The following AP2A2 variants were observed in gnomAD, a reference collection of about 807,000 sequenced individuals.
AP2A2 encodes the protein AP-2 complex subunit alpha-2.
In AP2A2, 32 loss-of-function variants were observed where a neutral mutation model predicts 104.2. The ratio of observed to expected loss-of-function variants is 0.31; its 90% CI spans 0.23 to 0.41. The LOEUF is 0.41. Ranked by LOEUF, AP2A2 falls within the 10% of genes least tolerant of loss-of-function variation. The probability of loss-of-function intolerance (pLI) is 1.00; values close to 1 mark genes in which losing one functional copy is unlikely to be tolerated. For missense variants in AP2A2, 912 were observed against 1,261.0 expected (o/e 0.72, Z 4.19); for synonymous variants, 539 against 533.3 (o/e 1.01, Z -0.15).
Position 992,602 on chromosome 11 carries a change from A to T in AP2A2, c.1369A>T (p.Ser457Cys). 6.2e-7 allele frequency: 1 copy of T among 1,613,900 alleles called. No individual in the cohort carries two copies. The highest frequency in any genetic ancestry group is 8.5e-7 in the Non-Finnish European group (1 of 1,179,898). Residue 457 changes from serine to cysteine, a missense_variant, in exon 11 of 22, where the codon AGT becomes TGT. Transcript: ENST00000448903. The surrounding 1 kb of genome is among the most constrained non-coding windows in gnomAD (Gnocchi z 6.4). ...NLIRIAGDYVSEEVWYRVIQI... is the reference protein window; with the variant it reads ...NLIRIAGDYVCEEVWYRVIQI... ...GATCCGAATTGCTGGTGATTACGTG[A>T]GTGAAGAGGTGTGGTACCGAGTCAT...
intron 1 of AP2A2, among the ~76,000 whole-genome samples, chr11:950,529 C>T (rs139657439): frequency 1.9e-3 from 295 of 152,030 alleles, no homozygotes; most frequent in African/African-American, 6.3e-3. Context: ...AAACGCCATT[C>T]GCTTGCCTCG....
intron 1 of AP2A2, among the ~76,000 whole-genome samples, chr11:942,903 A>C (rs575760355): frequency 6.6e-6 from 1 of 152,242 alleles, no homozygotes; most frequent in South Asian, 2.1e-4. Flanking sequence ...GAGGTGGTAG[A>C]GAGCCAGTTG....
At chr11:947,058 A>G (rs1188204076) in intron 1 of AP2A2, 1 of 135,002 alleles carries the variant, frequency 7.4e-6, no homozygotes, top group East Asian at 2.1e-4. Flanking sequence ...CGCCAAGGCT[A>G]GAGTGCGGTG....
intron 9 of AP2A2, among the ~76,000 whole-genome samples, chr11:987,821 C>T (rs971636392): frequency 3.9e-5 from 6 of 152,324 alleles, no homozygotes; most frequent in East Asian, 1.9e-4. Context: ...GAGTGGGAGG[C>T]GGGGAGCTGC....
chr11:977,888 G>A (rs1003990490), intron 5 of AP2A2, among the ~76,000 whole-genome samples: 1 of 152,134 alleles, frequency 6.6e-6, no homozygotes, highest in African/African-American at 2.4e-5. Flanking sequence ...GCGTTCACAA[G>A]GATCCAGGAT....
chr11:969,735 G>C (rs920382549), intron 2 of AP2A2, among the ~76,000 whole-genome samples: 1 of 152,192 alleles, frequency 6.6e-6, no homozygotes, highest in African/African-American at 2.4e-5. Context: ...TGAAGTGGCA[G>C]ATAATTTAGA....
chr11:993,757 G>C lies in AP2A2; in HGVS notation c.1554G>C (p.Pro518=). The part of the protein sequence containing the change: ...NLIAGDPRSS[P]LIQFHLLHSK... ...TGTTGTGCCTCCCCGTCCCCAGCCC[G>C]CTGATCCAGTTCCACCTGCTGCACT... Residue 518 remains proline (P), a synonymous_variant, in exon 13 of 22, where the codon CCG becomes CCC. Coordinates refer to ENST00000448903, the MANE Select transcript of AP2A2 (RefSeq NM_012305.4). This position sits in a 1 kb window ranked among gnomAD's most constrained non-coding sequence, Gnocchi z 8.2. The C allele has an allele frequency of 1.3e-6, 2 of 1,590,042 alleles. No individual in the cohort carries two copies. The highest frequency in any genetic ancestry group is 1.7e-6 in the Non-Finnish European group (2 of 1,171,420).
chr11:947,010 C>CTTTTTTT (rs71022990), intron 1 of AP2A2: 2 of 120,262 alleles, frequency 1.7e-5, no homozygotes, highest in Non-Finnish European at 1.7e-5. Flanking sequence ...TTTTTCTTTT[C>CTTTTTTT]TTTTTTTTTT....
chr11:974,655 C>T (rs1022144589), intron 4 of AP2A2, among the ~76,000 whole-genome samples: 2 of 142,218 alleles, frequency 1.4e-5, no homozygotes, highest in Non-Finnish European at 1.5e-5. Flanking sequence ...TACACACCAG[C>T]CTGGGCAACA....
chr11:986,466 C>T lies in AP2A2; in HGVS notation c.963-319C>T, dbSNP rs865962913. 1.5e-4 allele frequency among the ~76,000 whole-genome samples: 23 copies of T among 152,324 alleles called. No individual in the cohort carries two copies. In the South Asian group the frequency reaches 2.3e-3, roughly 15 times the overall value. The stretch of plus-strand genomic sequence containing the variant: ...GTGCCTCTGGCTGAGACCCCATTGC[C>T]GGTCACAGCTTGACCGGCCTCCCGC... On this transcript the variant is annotated intron_variant, in intron 8 of 21. Transcript: ENST00000448903.
At chr11:976,385 A>G (rs1855038808) in intron 4 of AP2A2, among the ~76,000 whole-genome samples, 1 of 152,224 alleles carries the variant, frequency 6.6e-6, no homozygotes, top group South Asian at 2.1e-4. Context: ...GTGGGGCAGC[A>G]GATTCCAGCT....
At chr11:985,918 C>T (rs1564810143) in intron 8 of AP2A2, among the ~76,000 whole-genome samples, 1 of 152,212 alleles carries the variant, frequency 6.6e-6, no homozygotes, top group African/African-American at 2.4e-5. Context: ...TGTCCCGTGG[C>T]TTTGCTGGAT....
intron 17 of AP2A2, chr11:1,007,430 T>A (rs1856247910): frequency 6.4e-6 from 1 of 156,854 alleles, no homozygotes; most frequent in Non-Finnish European, 1.4e-5. Context: ...CGGGGTCCAC[T>A]TGGCTCGAGG....
chr11:943,477 T>A (rs532856845), intron 1 of AP2A2, among the ~76,000 whole-genome samples: 3 of 152,242 alleles, frequency 2.0e-5, no homozygotes, highest in Non-Finnish European at 2.9e-5. Flanking sequence ...GGCACCGGGC[T>A]GTCTGCTTGT....
Position 1,010,837 on chromosome 11 carries a change from C to A in AP2A2, c.*212C>A. ...AGCTCAGCCTGGACTGTGGCAGCCA[C>A]GGCAGAAGGTGGATCTTGGGATCAA... is the stretch of plus-strand genomic sequence containing the variant. On this transcript the variant is annotated 3_prime_UTR_variant, in exon 22 of 22. Transcript: ENST00000448903. 1 of 643,718 alleles carries A rather than the reference C, an allele frequency of 1.6e-6. No individual in the cohort carries two copies. The highest frequency in any genetic ancestry group is 1.8e-5 in the South Asian group (1 of 56,596). The allele number at this position is 643,718 out of a possible 1,614,324, so 39.9% of individuals were successfully genotyped here. A position where few individuals can be genotyped will look rare whatever the true frequency, so the allele number is the denominator to read the frequency against.
intron 1 of AP2A2, among the ~76,000 whole-genome samples, chr11:957,968 A>G (rs1252572531): frequency 1.3e-5 from 2 of 152,246 alleles, no homozygotes; most frequent in African/African-American, 4.8e-5. Context: ...TTTACGGAAC[A>G]AATGCATCAG....
In AP2A2 at chr11:1,000,518, C is replaced by A; in HGVS notation, c.2043C>A (p.Ser681Arg). The A allele has an allele frequency of 6.5e-7, 1 of 1,542,616 alleles. No homozygotes were observed. The highest frequency in any genetic ancestry group is 1.4e-5 in the African/African-American group (1 of 73,432). ...GCCCCCCACCCTCCTCCGGCGGCAG[C>A]GGGCTGCTCGTGGACGTGTTCTCAG... ...PAGPPPSSGG[S>R]GLLVDVFSDS... Residue 681 changes from serine to arginine, a missense_variant, in exon 15 of 22, where the codon AGC (serine) becomes AGA (arginine). Ser to Arg is a moderately radical substitution (Grantham distance 110, BLOSUM62 -1). Coordinates refer to ENST00000448903, the MANE Select transcript of AP2A2 (RefSeq NM_012305.4).
chr11:997,138 A>T (rs1855882861), intron 14 of AP2A2, among the ~76,000 whole-genome samples: 1 of 152,128 alleles, frequency 6.6e-6, no homozygotes, highest in African/African-American at 2.4e-5. Context: ...CCCACGAGAG[A>T]CAGTGGCTTT....
At chr11:931,872 C>T (rs764839005) in intron 1 of AP2A2, among the ~76,000 whole-genome samples, 5 of 147,318 alleles carry the variant, frequency 3.4e-5, no homozygotes, top group Admixed American at 6.9e-5. Context: ...GGTGTGATCT[C>T]GGCTCACTGC....
Sources: gnomAD v4.1 joint callset for allele counts (sites outside exome capture counted in the v4.1 genomes callset) on GRCh38, gnomAD v4.1.1 for gene constraint, Gnocchi (gnomAD v3.1) non-coding constraint, MANE v1.5 for transcripts, NCBI Gene and HGNC (gene_info 2026-07-23, HGNC 2026-07-21) for gene names.